The following PDGFA variants were observed in gnomAD, a reference collection of about 807,000 sequenced individuals.
PDGFA encodes the protein platelet derived growth factor subunit A, also known as platelet-derived growth factor subunit A.
In PDGFA, 9 loss-of-function variants were observed where a neutral mutation model predicts 25.6. That is an observed-to-expected ratio of 0.35 (90% CI 0.21 to 0.61). The LOEUF is 0.61. PDGFA is among the 20% of genes least tolerant of loss of function. The pLI, the probability that PDGFA is intolerant of heterozygous loss-of-function variation, is 0.75. For synonymous variants in PDGFA, 133 were observed against 111.8 expected (o/e 1.19, Z -1.20); for missense variants, 242 against 272.8 (o/e 0.89, Z 0.79).
At chr7:505,213 G>C (rs1470543762) in intron 4 of PDGFA, among the ~76,000 whole-genome samples, 1 of 152,126 alleles carries the variant, frequency 6.6e-6, no homozygotes, top group Non-Finnish European at 1.5e-5. Context: ...ACCCCCACGG[G>C]GGGTACCCCG....
upstream of PDGFA, chr7:520,141 G>C (rs930374257): frequency 3.0e-4 from 104 of 350,390 alleles, no homozygotes; most frequent in Non-Finnish European, 5.7e-4. Context: ...GCAATCCTGC[G>C]GCACCGGGTG....
At chr7:514,337 G>A (rs1012794982) in intron 2 of PDGFA, among the ~76,000 whole-genome samples, 1 of 152,180 alleles carries the variant, frequency 6.6e-6, no homozygotes, top group Non-Finnish European at 1.5e-5. Context: ...GAAGACGGCA[G>A]CCGTGCTAGC....
chr7:498,478 C>T (rs1782193358), exon 6 of PDGFA: 4 of 1,316,326 alleles, frequency 3.0e-6, no homozygotes, highest in Non-Finnish European at 4.3e-6. Flanking sequence ...AGACCGCACA[C>T]TGGCAATAAA....
At chr7:501,592 T>C (rs901931115) in intron 4 of PDGFA, among the ~76,000 whole-genome samples, 1 of 152,074 alleles carries the variant, frequency 6.6e-6, no homozygotes, top group African/African-American at 2.4e-5. Flanking sequence ...TTTTAAATAT[T>C]TTTTTTGTGT....
rs1782270258 is a variant in PDGFA at position 500,329 on chromosome 7, C to A, written c.580+787G>T. On this transcript the variant is annotated intron_variant, in intron 5 of 5. Coordinates refer to ENST00000402802, the Ensembl canonical transcript of PDGFA. This position sits in a 1 kb window ranked among gnomAD's most constrained non-coding sequence, Gnocchi z 5.0. Reference sequence around the variant, plus strand: ...CATCAAGGCCAATCAGGGCCACATCCCCGCCGCACCCGGCGAGACAGGAAG... The same window carrying A: ...CATCAAGGCCAATCAGGGCCACATCACCGCCGCACCCGGCGAGACAGGAAG... 2.3e-6 allele frequency: 3 copies of A among 1,320,984 alleles called. No homozygotes were observed. In the Admixed American group the frequency reaches 5.6e-5, roughly 25 times the overall value. The allele number at this position is 1,320,984 out of a possible 1,614,324, so 81.8% of individuals were successfully genotyped here. A position where few individuals can be genotyped will look rare whatever the true frequency, so the allele number is the denominator to read the frequency against.
exon 6 of PDGFA, chr7:498,505 G>A: frequency 6.4e-7 from 1 of 1,553,598 alleles, no homozygotes. Context: ...TACATAGTAG[G>A]TTCAGGAATG....
intron 3 of PDGFA, among the ~76,000 whole-genome samples, chr7:511,704 C>A (rs1396910637): frequency 6.6e-6 from 1 of 152,156 alleles, no homozygotes; most frequent in Admixed American, 6.5e-5. Context: ...CAGGTGGGAC[C>A]CCCGAGGACG....
At chr7:520,036 C>G (rs563200848), upstream of PDGFA, 196 of 397,646 alleles carry the variant, frequency 4.9e-4, 2 homozygotes, top group African/African-American at 4.2e-3. Flanking sequence ...CACACGCGCT[C>G]GCGCAAGCAG....
At chr7:511,067 G>A (rs1269239235) in intron 3 of PDGFA, 71 bp from the exon 4 acceptor site, 7 of 1,280,598 alleles carry the variant, frequency 5.5e-6, no homozygotes, top group Admixed American at 1.8e-5. Context: ...GGCTGAGGCG[G>A]CTCCAGCTGG....
At chr7:507,898 C>T (rs1372627001) in intron 4 of PDGFA, among the ~76,000 whole-genome samples, 1 of 152,104 alleles carries the variant, frequency 6.6e-6, no homozygotes, top group Non-Finnish European at 1.5e-5. Context: ...GACCCCCCGG[C>T]GGTAAATATC....
rs1347020394 is a variant in PDGFA at position 517,470 on chromosome 7, C to T, written c.84G>A (p.Glu28=). ...GACTGCGGGCCAGCCTCTCGATCAC[C>T]TCGCGGGGGATCTCGGCTTCCTGCA... Residue 28 remains glutamate, a synonymous_variant, in exon 2 of 6, where the codon GAG becomes GAA. Transcript: ENST00000402802. This position sits in a 1 kb window ranked among gnomAD's most constrained non-coding sequence, Gnocchi z 7.4. The T allele has an allele frequency of 7.4e-6, 10 of 1,351,884 alleles. No homozygotes were observed. Among genetic ancestry groups the T allele is most frequent in the African/African-American group, 1.5e-5 (1 of 65,550 alleles). The allele number at this position is 1,351,884 out of a possible 1,614,324, so 83.7% of individuals were successfully genotyped here.
chr7:502,907 A>AC (rs1016922999), intron 4 of PDGFA, among the ~76,000 whole-genome samples: 2 of 151,316 alleles, frequency 1.3e-5, no homozygotes, highest in Non-Finnish European at 2.9e-5. Context: ...AGGCAACTCC[A>AC]CCCCCCACCA....
chr7:503,464 C>T (rs1782438349), intron 4 of PDGFA, among the ~76,000 whole-genome samples: 1 of 152,074 alleles, frequency 6.6e-6, no homozygotes, highest in Non-Finnish European at 1.5e-5. Context: ...GAGGAGACCT[C>T]AGCCCAAGGC....
rs1422109929 is a variant in PDGFA at position 500,461 on chromosome 7, T to C, written c.580+655A>G. On this transcript the variant is annotated intron_variant, in intron 5 of 5. Transcript: ENST00000402802. The surrounding 1 kb of genome is among the most constrained non-coding windows in gnomAD (Gnocchi z 5.0). ...TGGCTGCTTTAGGTGGGTTTTAACCTTTTTCTTTTCCGTTTTTTACCTGAC... is the reference window on the plus strand; with the variant it reads ...TGGCTGCTTTAGGTGGGTTTTAACCCTTTTCTTTTCCGTTTTTTACCTGAC... The C allele has an allele frequency of 3.1e-6, 5 of 1,613,908 alleles. No individual in the cohort carries two copies. Among genetic ancestry groups the C allele is most frequent in the Non-Finnish European group, 4.2e-6 (5 of 1,180,002 alleles).
intron 2 of PDGFA, among the ~76,000 whole-genome samples, chr7:515,787 C>A (rs1783060964): frequency 6.6e-6 from 1 of 152,070 alleles, no homozygotes; most frequent in South Asian, 2.1e-4. Context: ...TCGGACCCTA[C>A]GACCTAGAAG....
At chr7:513,804 C>G (rs371909188) in intron 2 of PDGFA, among the ~76,000 whole-genome samples, 2 of 152,166 alleles carry the variant, frequency 1.3e-5, no homozygotes, top group South Asian at 4.1e-4. Flanking sequence ...AAATGAAGCC[C>G]GCAAACCTCA....
upstream of PDGFA, chr7:520,474 C>T (rs1783323901): frequency 6.5e-6 from 1 of 152,906 alleles, no homozygotes; most frequent in African/African-American, 2.4e-5. Flanking sequence ...CACATTTCCA[C>T]TTGGGAGCGA....
intron 2 of PDGFA, among the ~76,000 whole-genome samples, chr7:515,438 TC>T (rs963759886): frequency 6.6e-6 from 1 of 152,114 alleles, no homozygotes; most frequent in African/African-American, 2.4e-5. Context: ...AGCCGGTGCC[TC>T]TCCTGTCCTC....
At chr7:515,446 C>T (rs974791628) in intron 2 of PDGFA, among the ~76,000 whole-genome samples, 1 of 152,172 alleles carries the variant, frequency 6.6e-6, no homozygotes. Flanking sequence ...CCTCTCCTGT[C>T]CTCAGGCGAG....
Sources: gnomAD v4.1 joint callset for allele counts (sites outside exome capture counted in the v4.1 genomes callset) on GRCh38, gnomAD v4.1.1 for gene constraint, Gnocchi (gnomAD v3.1) non-coding constraint, MANE v1.5 for transcripts, NCBI Gene and HGNC (gene_info 2026-07-23, HGNC 2026-07-21) for gene names.